The following PLEKHA7 variants were observed in gnomAD, a reference collection of about 807,000 sequenced individuals.
PLEKHA7 encodes pleckstrin homology domain-containing family A member 7.
A neutral mutation model predicts 170.0 loss-of-function variants in PLEKHA7; 104 were observed. The observed-to-expected ratio is 0.61, with a 90% CI of 0.52 to 0.72. The LOEUF (loss-of-function observed/expected upper bound fraction) is 0.72, where lower values mean the gene tolerates loss of function less well. Among genes scored for constraint, PLEKHA7 ranks in the 30% least tolerant of loss-of-function variants. The pLI is 0.00. For missense variants in PLEKHA7, 1,615 were observed against 1,671.7 expected, an observed-to-expected ratio of 0.97 and a Z score of 0.59; for synonymous variants, 648 against 660.8, an observed-to-expected ratio of 0.98 and a Z score of 0.30.
chr11:16,816,835 C>T lies in PLEKHA7; in HGVS notation c.1831G>A (p.Asp611Asn), dbSNP rs1164073630. 2.5e-6 allele frequency: 4 copies of T among 1,613,948 alleles called. No individual in the cohort carries two copies. Among genetic ancestry groups the T allele is most frequent in the Admixed American group, 1.7e-5 (1 of 60,002 alleles). Residue 611 changes from aspartate (D) to asparagine (N), a missense_variant, in exon 11 of 27, where the codon GAT becomes AAT. Physicochemically the swap from Asp to Asn is conservative, Grantham distance 23 (BLOSUM62 1). Transcript: ENST00000531066. Reference protein sequence around the residue: ...QRRSVDISLGDSPRRARGHAV... With the variant: ...QRRSVDISLGNSPRRARGHAV... Reference sequence around the variant, plus strand: ...TGGCCCCGTGCCCTCCTTGGAGAATCCCCCAGCGAGATGTCCACACTCCTC... The same window carrying T: ...TGGCCCCGTGCCCTCCTTGGAGAATTCCCCAGCGAGATGTCCACACTCCTC...
intron 9 of PLEKHA7, among the ~76,000 whole-genome samples, chr11:16,827,245 G>C (rs1349223878): frequency 6.6e-6 from 1 of 152,208 alleles, no homozygotes; most frequent in South Asian, 2.1e-4. Context: ...CACTGTATGT[G>C]AATAGCAACC....
intron 13 of PLEKHA7, among the ~76,000 whole-genome samples, chr11:16,809,843 C>G (rs1023536372): frequency 6.6e-6 from 1 of 152,230 alleles, no homozygotes; most frequent in African/African-American, 2.4e-5. Context: ...TGGAGACATA[C>G]CAGAGTTTTA....
intron 3 of PLEKHA7, among the ~76,000 whole-genome samples, chr11:16,914,594 C>T (rs1858500816): frequency 6.6e-6 from 1 of 152,160 alleles, no homozygotes; most frequent in Admixed American, 6.5e-5. Flanking sequence ...TACAATGTGC[C>T]TAAGTGAGTC....
At position 17,005,356 on chromosome 11, in the gene PLEKHA7, AC is replaced by A. The variant is rs1390877226; in HGVS notation, c.221+8632del. Among the ~76,000 whole-genome samples, 3 of 152,216 alleles carry A rather than the reference AC, an allele frequency of 2.0e-5. No individual in the cohort carries two copies. In the East Asian group the frequency reaches 5.8e-4, roughly 29 times the overall value. The stretch of plus-strand genomic sequence containing the variant: ...AGACCAGCCTGGCCAACATGGTGAA[AC>A]CCCGTCTCTACTAAAGATACAAAAA... On this transcript the variant is annotated intron_variant, in intron 3 of 26. Transcript: ENST00000531066.
Position 16,778,800 on chromosome 11 carries a change from G to C in PLEKHA7, c.*198C>G. 1.6e-6 allele frequency: 1 copy of C among 611,622 alleles called. No individual in the cohort carries two copies. Among genetic ancestry groups the C allele is most frequent in the Non-Finnish European group, 2.9e-6 (1 of 340,912 alleles). The allele number at this position is 611,622 out of a possible 1,614,324, so 37.9% of individuals were successfully genotyped here. On this transcript the variant is annotated 3_prime_UTR_variant, in exon 27 of 27. Coordinates refer to ENST00000531066, the MANE Select transcript of PLEKHA7 (RefSeq NM_001329630.2). Reference sequence around the variant, plus strand: ...AAAGTGCCTTTGCCATTCATATGTAGAGAGGAGTCTGAGCTAAACTAGTGG... The same window carrying C: ...AAAGTGCCTTTGCCATTCATATGTACAGAGGAGTCTGAGCTAAACTAGTGG...
At chr11:16,780,285 C>T (rs1043587108) in intron 26 of PLEKHA7, among the ~76,000 whole-genome samples, 1 of 152,254 alleles carries the variant, frequency 6.6e-6, no homozygotes, top group African/African-American at 2.4e-5. Flanking sequence ...TCATCCCACA[C>T]TGCCTCTCAT....
intron 4 of PLEKHA7, among the ~76,000 whole-genome samples, chr11:16,861,813 CAG>C (rs1477486101): frequency 6.6e-6 from 1 of 152,158 alleles, no homozygotes; most frequent in Non-Finnish European, 1.5e-5. Context: ...AATCTACACA[CAG>C]AGAGCTCGGC....
intron 9 of PLEKHA7, among the ~76,000 whole-genome samples, chr11:16,830,176 G>A (rs1301525509): frequency 6.6e-6 from 1 of 151,830 alleles, no homozygotes; most frequent in Non-Finnish European, 1.5e-5. Flanking sequence ...TAGAGACAAG[G>A]TCTTTCTTTG....
intron 3 of PLEKHA7, among the ~76,000 whole-genome samples, chr11:16,968,103 T>G (rs1862484237): frequency 6.6e-6 from 1 of 152,088 alleles, no homozygotes; most frequent in Admixed American, 6.6e-5. Context: ...GCAGAGGGAA[T>G]AGACTGCTAA....
Position 16,826,209 on chromosome 11 carries a change from G to T in PLEKHA7, c.1254C>A (p.Pro418=), listed in dbSNP as rs755928897. ...GGCTGTGTTTTTCAGGGTTGGTCCT[G>T]GGAGGAAAGGCCCGCTGGTACCCAC... The part of the protein sequence containing the change: ...GTGGYQRAFP[P]RTNPEKHSQR... Residue 418 remains proline, a synonymous_variant, in exon 10 of 27, where the codon CCC becomes CCA. Transcript: ENST00000531066. 1 of 1,614,080 alleles carries T rather than the reference G, an allele frequency of 6.2e-7. No homozygotes were observed. The highest frequency in any genetic ancestry group is 1.3e-5 in the African/African-American group (1 of 74,942).
intron 8 of PLEKHA7, among the ~76,000 whole-genome samples, chr11:16,847,353 A>T (rs976645766): frequency 1.3e-5 from 2 of 151,864 alleles, no homozygotes; most frequent in Admixed American, 1.3e-4. Context: ...CTGCCTCCCA[A>T]AGTCCTGGGA....
chr11:16,956,106 G>T (rs1048331356), intron 3 of PLEKHA7, among the ~76,000 whole-genome samples: 2 of 152,202 alleles, frequency 1.3e-5, no homozygotes, highest in African/African-American at 4.8e-5. Context: ...CAGGGACCAG[G>T]CAAAACAATC....
rs182281593 is a variant in PLEKHA7 at position 16,920,852 on chromosome 11, C to T, written c.222-49670G>A. Among the ~76,000 whole-genome samples the T allele has an allele frequency of 2.1e-3, 324 of 152,318 alleles. 1 individual carries two copies. The highest frequency in any genetic ancestry group is 7.4e-3 in the African/African-American group (309 of 41,580). On this transcript the variant is annotated intron_variant, in intron 3 of 26. Coordinates refer to ENST00000531066, the MANE Select transcript of PLEKHA7 (RefSeq NM_001329630.2). Reference sequence around the variant, plus strand: ...TCTTAAGCACACCTAGAGCCTCACCCGTGGTATCTCACTTTTTATTCCAAA... The same window carrying T: ...TCTTAAGCACACCTAGAGCCTCACCTGTGGTATCTCACTTTTTATTCCAAA...
intron 3 of PLEKHA7, among the ~76,000 whole-genome samples, chr11:16,969,203 C>A (rs1442911774): frequency 6.6e-6 from 1 of 152,174 alleles, no homozygotes; most frequent in South Asian, 2.1e-4. Context: ...TATCACCTGA[C>A]TGCAGAGTGC....
chr11:16,901,338 A>C (rs1317806203), intron 3 of PLEKHA7, among the ~76,000 whole-genome samples: 2 of 152,222 alleles, frequency 1.3e-5, no homozygotes, highest in African/African-American at 4.8e-5. Flanking sequence ...CTCAATATTT[A>C]ATTTTGTGCT....
chr11:16,935,079 A>G (rs1262639503), intron 3 of PLEKHA7, among the ~76,000 whole-genome samples: 1 of 152,242 alleles, frequency 6.6e-6, no homozygotes, highest in Admixed American at 6.5e-5. Context: ...CTTCCAAATA[A>G]GACTTGTCAA....
chr11:16,808,456 G>C (rs896371277), intron 13 of PLEKHA7, among the ~76,000 whole-genome samples: 5 of 152,146 alleles, frequency 3.3e-5, no homozygotes, highest in African/African-American at 9.7e-5. Context: ...CTTTTATCAA[G>C]CTCCCAGGTG....
chr11:16,828,456 A>C (rs1850836514), intron 9 of PLEKHA7, among the ~76,000 whole-genome samples: 1 of 152,198 alleles, frequency 6.6e-6, no homozygotes, highest in South Asian at 2.1e-4. Context: ...TTTCCTTTAT[A>C]AATTACCCAT....
intron 3 of PLEKHA7, among the ~76,000 whole-genome samples, chr11:16,971,782 A>G (rs932298450): frequency 4.6e-5 from 7 of 151,682 alleles, no homozygotes; most frequent in Non-Finnish European, 1.0e-4. Flanking sequence ...GTGAAGGGAT[A>G]TTTTCGCAGA....
Sources: allele counts gnomAD v4.1 joint callset (sites outside exome capture counted in the v4.1 genomes callset), GRCh38; gene constraint gnomAD v4.1.1; transcripts MANE v1.5; gene names NCBI Gene and HGNC (gene_info 2026-07-23, HGNC 2026-07-21).